Variants in LINGO2 observed in about 807,000 individuals in gnomAD.
The protein encoded by LINGO2 is leucine-rich repeat and immunoglobulin-like domain-containing nogo receptor-interacting protein 2.
Under a neutral mutation model 30.6 loss-of-function variants are expected in LINGO2, and 14 were observed. The ratio of observed to expected loss-of-function variants is 0.46; its 90% CI spans 0.30 to 0.72. The LOEUF is 0.72. Among genes scored for constraint, LINGO2 ranks in the 30% least tolerant of loss-of-function variants. The pLI is 0.07. For synonymous variants in LINGO2, 317 were observed against 288.5 expected (o/e 1.10, Z -1.00); for missense variants, 729 against 751.7 (o/e 0.97, Z 0.35).
intron 2 of LINGO2, among the ~76,000 whole-genome samples, chr9:28,462,036 C>T (rs1264358285): frequency 6.6e-6 from 1 of 152,054 alleles, no homozygotes; most frequent in Non-Finnish European, 1.5e-5. Context: ...CTTTCAAAAT[C>T]TGTATTCATT....
intron 5 of LINGO2, among the ~76,000 whole-genome samples, chr9:27,986,751 A>T (rs1821144157): frequency 6.6e-6 from 1 of 151,880 alleles, no homozygotes; most frequent in Non-Finnish European, 1.5e-5. Flanking sequence ...ATGTAGAGGT[A>T]TACATTCCAA....
chr9:28,261,028 A>G (rs1021490849), intron 4 of LINGO2, among the ~76,000 whole-genome samples: 4 of 152,006 alleles, frequency 2.6e-5, no homozygotes, highest in African/African-American at 9.7e-5. Context: ...TAAATCATAC[A>G]TCTAGATAAC....
the LINGO2 span, among the ~76,000 whole-genome samples, chr9:28,757,756 G>A: frequency 6.6e-6 from 1 of 151,886 alleles, no homozygotes; most frequent in South Asian, 2.1e-4. Flanking sequence ...GGAGGGGTGA[G>A]GGAGAGGGTC....
intron 4 of LINGO2, among the ~76,000 whole-genome samples, chr9:28,202,406 A>C (rs1204051346): frequency 6.6e-6 from 1 of 152,090 alleles, no homozygotes; most frequent in Non-Finnish European, 1.5e-5. Context: ...CACTCTTTGA[A>C]AACCACTGAA....
At chr9:28,319,938 A>C (rs10968505) in intron 3 of LINGO2, among the ~76,000 whole-genome samples, 50,635 of 151,860 alleles carry the variant, frequency 0.33, 9,723 homozygotes, top group Middle Eastern at 0.45. Flanking sequence ...CATGAATCTT[A>C]AAGTACTAGA....
intron 1 of LINGO2, among the ~76,000 whole-genome samples, chr9:28,654,714 T>C (rs888881513): frequency 1.3e-5 from 2 of 152,074 alleles, no homozygotes; most frequent in Non-Finnish European, 2.9e-5. Flanking sequence ...TGCAAAATAG[T>C]TACAAGTAAA....
chr9:28,140,751 A>T (rs1252586152), intron 4 of LINGO2, among the ~76,000 whole-genome samples: 3 of 152,154 alleles, frequency 2.0e-5, no homozygotes, highest in Non-Finnish European at 4.4e-5. Flanking sequence ...TATGCTAATT[A>T]CTTGGTTAAT....
At chr9:28,803,864 C>T in the LINGO2 span, among the ~76,000 whole-genome samples, 541 of 152,126 alleles carry the variant, frequency 3.6e-3, 2 homozygotes, top group Middle Eastern at 6.8e-3. Context: ...TGTCATGATG[C>T]TACCTTTAAA....
chr9:28,799,213 T>C, the LINGO2 span, among the ~76,000 whole-genome samples: 1 of 151,968 alleles, frequency 6.6e-6, no homozygotes, highest in Non-Finnish European at 1.5e-5. Context: ...TGAACCAGTA[T>C]GTCAATCATC....
At position 28,137,198 on chromosome 9, in the gene LINGO2, G is replaced by GACACACACAC. The variant is rs3064725; in HGVS notation, c.-86-124803_-86-124794dup. Among the ~76,000 whole-genome samples, 914 of 148,202 alleles carry GACACACACAC rather than the reference G, an allele frequency of 6.2e-3. 10 individuals carry two copies. Among genetic ancestry groups the GACACACACAC allele is most frequent in the African/African-American group, 0.016 (633 of 40,418 alleles). On this transcript the variant is annotated intron_variant, in intron 4 of 5. Transcript: ENST00000379992. ...ATTCATACATATATAGAAAATCCCT[G>GACACACACAC]ACACACACACACACACACACACACA...
At chr9:28,933,742 C>T in the LINGO2 span, among the ~76,000 whole-genome samples, 1 of 152,198 alleles carries the variant, frequency 6.6e-6, no homozygotes, top group East Asian at 1.9e-4. Flanking sequence ...CAAAAAAATA[C>T]TTCTACAAGG....
intron 4 of LINGO2, among the ~76,000 whole-genome samples, chr9:28,031,476 C>T (rs552392168): frequency 5.5e-5 from 8 of 145,484 alleles, no homozygotes; most frequent in African/African-American, 2.0e-4. Context: ...TTGAATCCAT[C>T]ACCTTACAAA....
chr9:28,444,442 TA>T (rs1409443032), intron 2 of LINGO2, among the ~76,000 whole-genome samples: 5 of 152,158 alleles, frequency 3.3e-5, no homozygotes, highest in Admixed American at 3.3e-4. Flanking sequence ...GCAGCAGGAC[TA>T]AAAGAGCTGT....
rs760292470 is a variant in LINGO2 at position 28,000,367 on chromosome 9, G to A, written c.-36+11988C>T. On this transcript the variant is annotated intron_variant, in intron 5 of 5. Coordinates refer to ENST00000379992, the Ensembl canonical transcript of LINGO2. ...AGCCACAGAGTGGTATTAACAAGCC[G>A]AAAAGAAGGAGGAGAAAAAAAGGAG... Among the ~76,000 whole-genome samples the A allele has an allele frequency of 5.8e-4, 87 of 150,036 alleles. 3 individuals carry two copies. Among genetic ancestry groups the A allele is most frequent in the Admixed American group, 1.4e-3 (22 of 15,238 alleles).
At chr9:29,004,235 T>C in the LINGO2 span, among the ~76,000 whole-genome samples, 1 of 152,032 alleles carries the variant, frequency 6.6e-6, no homozygotes, top group African/African-American at 2.4e-5. Flanking sequence ...CTCTCTCTCT[T>C]TTTATAATTC....
intron 1 of LINGO2, among the ~76,000 whole-genome samples, chr9:28,628,380 T>A (rs1826781443): frequency 6.6e-6 from 1 of 152,106 alleles, no homozygotes; most frequent in African/African-American, 2.4e-5. Context: ...AGACAATAAA[T>A]TCACATAACA....
At chr9:29,161,968 G>C in the LINGO2 span, among the ~76,000 whole-genome samples, 1,944 of 149,430 alleles carry the variant, frequency 0.013, 42 homozygotes, top group African/African-American at 0.046. Flanking sequence ...TGCCCAGGTT[G>C]GAGTGCAGTG....
chr9:28,403,793 G>T lies in LINGO2; in HGVS notation c.-278-30925C>A, dbSNP rs954782069. 1.6e-4 allele frequency among the ~76,000 whole-genome samples: 25 copies of T among 151,832 alleles called. 1 individual carries two copies. The highest frequency in any genetic ancestry group is 3.7e-4 in the Non-Finnish European group (25 of 68,008). ...TTCCTGCCTATAAAATTGTGAGCCT[G>T]TTGGAGATCAGGGACTGGATCCTAC... is the stretch of plus-strand genomic sequence containing the variant. On this transcript the variant is annotated intron_variant, in intron 2 of 5. Coordinates refer to ENST00000379992, the Ensembl canonical transcript of LINGO2.
At chr9:28,797,355 T>G in the LINGO2 span, among the ~76,000 whole-genome samples, 9,961 of 57,312 alleles carry the variant, frequency 0.17, 428 homozygotes, top group African/African-American at 0.2. Context: ...TATATATATA[T>G]ATATAGAGAG....
Sources: allele counts gnomAD v4.1 joint callset (sites outside exome capture counted in the v4.1 genomes callset), GRCh38; gene constraint gnomAD v4.1.1; transcripts MANE v1.5; gene names NCBI Gene and HGNC (gene_info 2026-07-23, HGNC 2026-07-21).